Variants in ROBO1 observed in about 807,000 individuals in gnomAD.
ROBO1 encodes the protein roundabout homolog 1.
ROBO1 carries 149 observed loss-of-function variants against 195.9 expected under a neutral mutation model. The ratio of observed to expected loss-of-function variants is 0.76; its 90% CI spans 0.67 to 0.87. The LOEUF is 0.87. ROBO1 is among the 40% of genes least tolerant of loss of function. The pLI, the probability that ROBO1 is intolerant of heterozygous loss-of-function variation, is 0.00. For missense variants in ROBO1, 1,933 were observed against 2,068.3 expected (o/e 0.93, Z 1.27); for synonymous variants, 816 against 733.2 (o/e 1.11, Z -1.82).
At chr3:78,835,494 T>C (rs1247641366) in intron 4 of ROBO1, among the ~76,000 whole-genome samples, 1 of 152,170 alleles carries the variant, frequency 6.6e-6, no homozygotes, top group African/African-American at 2.4e-5. Flanking sequence ...GACATTGCTA[T>C]GACACAGTAG....
At position 78,938,871 on chromosome 3, in the gene ROBO1, G is replaced by C; in HGVS notation, c.229C>G (p.Leu77Val). 6.2e-7 allele frequency: 1 copy of C among 1,613,996 alleles called. No individual in the cohort carries two copies. Among genetic ancestry groups the C allele is most frequent in the Non-Finnish European group, 8.5e-7 (1 of 1,179,894 alleles). The change falls in exon 4 of 31, where the codon CTG becomes GTG. Residue 77 changes from leucine (L) to valine (V), a missense_variant. Leu to Val is a conservative substitution (Grantham distance 32). Around this residue, in one of 3 missense-constraint regions of ROBO1, gnomAD observed 185 missense variants for 159.5 expected, o/e 1.16. Transcript: ENST00000464233. ...GCAGGTTCTCCTTTTGAGACAATCAGGTCTGAAGGGTGTTCAACAATGCGA... is the reference window on the plus strand; with the variant it reads ...GCAGGTTCTCCTTTTGAGACAATCACGTCTGAAGGGTGTTCAACAATGCGA... ...PPRIVEHPSD[L>V]IVSKGEPATL...
At chr3:78,648,324 T>C (rs1446489005) in intron 19 of ROBO1, among the ~76,000 whole-genome samples, 2 of 152,086 alleles carry the variant, frequency 1.3e-5, no homozygotes, top group Non-Finnish European at 2.9e-5. Context: ...AACTTGTGAA[T>C]GGACAGAAAA....
At chr3:79,590,058 A>AT (rs1190822009) in intron 1 of ROBO1, 97 bp from the exon 2 acceptor site, 3 of 534,920 alleles carry the variant, frequency 5.6e-6, no homozygotes, top group Middle Eastern at 2.8e-4. Context: ...TTGAAATGTC[A>AT]TTTTTTGAAA....
chr3:79,487,088 T>G (rs1939199023), intron 2 of ROBO1, among the ~76,000 whole-genome samples: 1 of 130,612 alleles, frequency 7.7e-6, no homozygotes, highest in African/African-American at 2.9e-5. Flanking sequence ...TGTATTGTTC[T>G]TTGTTGAAAA....
intron 1 of ROBO1, among the ~76,000 whole-genome samples, chr3:79,728,143 C>T (rs1417964537): frequency 6.6e-6 from 1 of 151,932 alleles, no homozygotes; most frequent in Admixed American, 6.6e-5. Flanking sequence ...TATCCCCCCC[C>T]CCACAGGAAA....
intron 25 of ROBO1, among the ~76,000 whole-genome samples, chr3:78,628,736 C>A (rs1704985547): frequency 1.3e-5 from 2 of 152,138 alleles, no homozygotes; most frequent in Admixed American, 6.6e-5. Context: ...TATTAACAAA[C>A]AGCTGAGCAA....
chr3:79,100,085 C>G (rs2079648061), intron 3 of ROBO1, among the ~76,000 whole-genome samples: 1 of 151,698 alleles, frequency 6.6e-6, no homozygotes, highest in South Asian at 2.1e-4. Context: ...ACAAAACTTC[C>G]TCTATGTTAC....
chr3:78,636,086 G>T lies in ROBO1; in HGVS notation c.3060C>A (p.Asn1020Lys), dbSNP rs774389419. The part of the protein sequence containing the change: ...SRPADCIANY[N>K]NQLDNKQTNL... ...TTGTTTGTTTGTTATCCAGTTGGTT[G>T]TTATAATTTGCTATACAATCAGCTA... Residue 1020 changes from asparagine to lysine, a missense_variant, in exon 23 of 31, where the codon AAC (asparagine) becomes AAA (lysine). This residue lies in a region of ROBO1 where 1,737 missense variants were observed against 1,882.5 expected (regional missense o/e 0.92). Transcript: ENST00000464233. 6.8e-6 allele frequency: 11 copies of T among 1,611,632 alleles called. No homozygotes were observed. Among genetic ancestry groups the T allele is most frequent in the Non-Finnish European group, 8.5e-6 (10 of 1,178,272 alleles).
chr3:79,070,681 T>C (rs1327034790), intron 3 of ROBO1, among the ~76,000 whole-genome samples: 1 of 151,866 alleles, frequency 6.6e-6, no homozygotes, highest in Admixed American at 6.6e-5. Context: ...AGTTTTGTTT[T>C]ACTTTGTTCT....
intron 1 of ROBO1, among the ~76,000 whole-genome samples, chr3:79,623,637 G>A (rs1026803360): frequency 6.6e-6 from 1 of 152,010 alleles, no homozygotes; most frequent in Non-Finnish European, 1.5e-5. Flanking sequence ...ATGCAGACAA[G>A]ACTAGAGAAA....
At chr3:79,248,510 T>C (rs1363643582) in intron 2 of ROBO1, among the ~76,000 whole-genome samples, 1 of 151,358 alleles carries the variant, frequency 6.6e-6, no homozygotes, top group African/African-American at 2.4e-5. Context: ...GCAGAATAAA[T>C]ACGTGGTGTG....
chr3:78,695,232 A>G (rs867563766), intron 8 of ROBO1, among the ~76,000 whole-genome samples: 10 of 152,140 alleles, frequency 6.6e-5, no homozygotes, highest in Non-Finnish European at 1.2e-4. Context: ...ACAAACCTGC[A>G]CGTTGTACAC....
intron 2 of ROBO1, among the ~76,000 whole-genome samples, chr3:79,300,219 G>A (rs2032838309): frequency 6.6e-6 from 1 of 152,200 alleles, no homozygotes; most frequent in Non-Finnish European, 1.5e-5. Context: ...AGGTGTGGGG[G>A]GAGAGGCGTG....
At chr3:79,764,992 T>A (rs1576335543) in intron 1 of ROBO1, among the ~76,000 whole-genome samples, 1 of 152,222 alleles carries the variant, frequency 6.6e-6, no homozygotes, top group South Asian at 2.1e-4. Flanking sequence ...ATCACTAACC[T>A]TCATAGAGTA....
chr3:79,172,974 T>C (rs2081193118), intron 2 of ROBO1, among the ~76,000 whole-genome samples: 1 of 152,180 alleles, frequency 6.6e-6, no homozygotes, highest in South Asian at 2.1e-4. Context: ...TTAAGCATCT[T>C]TTAAACTCAG....
rs1253198609 is a variant in ROBO1 at position 79,186,124 on chromosome 3, G to A, written c.89-60585C>T. Among the ~76,000 whole-genome samples, 13 of 152,118 alleles carry A rather than the reference G, an allele frequency of 8.5e-5. No homozygotes were observed. In the East Asian group the frequency reaches 1.6e-3, roughly 18 times the overall value. ...GTGACAGTTTTTGTGTTATTATTCT[G>A]TAGCCCAAGCTCTGTATTCTATCCA... On this transcript the variant is annotated intron_variant, in intron 2 of 30. Transcript: ENST00000464233.
At chr3:79,090,835 C>A (rs536378640) in intron 3 of ROBO1, among the ~76,000 whole-genome samples, 1 of 152,158 alleles carries the variant, frequency 6.6e-6, no homozygotes, top group South Asian at 2.1e-4. Flanking sequence ...AACAAAAAGT[C>A]TTTTTTTCTC....
intron 23 of ROBO1, chr3:78,634,567 A>G: frequency 3.4e-6 from 1 of 295,704 alleles, no homozygotes; most frequent in East Asian, 1.1e-4. Flanking sequence ...ACAATAAATC[A>G]GAGTTCTGAA....
At chr3:78,994,948 A>G (rs1045081891) in intron 3 of ROBO1, among the ~76,000 whole-genome samples, 3 of 152,164 alleles carry the variant, frequency 2.0e-5, no homozygotes, top group Admixed American at 1.3e-4. Context: ...TACCTCACAG[A>G]CATGAATCCA....
Sources: allele counts gnomAD v4.1 joint callset (sites outside exome capture counted in the v4.1 genomes callset), GRCh38; gene constraint gnomAD v4.1.1; regional missense constraint gnomAD v4.1.1; transcripts MANE v1.5; gene names NCBI Gene and HGNC (gene_info 2026-07-23, HGNC 2026-07-21).